Variants in WDR37 observed in about 807,000 individuals in gnomAD.
The protein encoded by WDR37 is WD repeat-containing protein 37.
Under a neutral mutation model 62.9 loss-of-function variants are expected in WDR37, and 19 were observed. The observed-to-expected ratio is 0.30, with a 90% CI of 0.21 to 0.44. The LOEUF (loss-of-function observed/expected upper bound fraction) is 0.44. Among genes scored for constraint, WDR37 ranks in the 20% least tolerant of loss-of-function variants. The pLI, the probability that WDR37 is intolerant of heterozygous loss-of-function variation, is 1.00. For synonymous variants in WDR37, 250 were observed against 260.9 expected (o/e 0.96, Z 0.40); for missense variants, 474 against 657.6 (o/e 0.72, Z 3.05).
rs58590082 is a variant in WDR37 at position 1,075,345 on chromosome 10, G to A, written c.139-2562G>A. Among the ~76,000 whole-genome samples, 430 of 146,650 alleles carry A rather than the reference G, an allele frequency of 2.9e-3. 1 individual carries two copies. Among genetic ancestry groups the A allele is most frequent in the African/African-American group, 0.01 (394 of 39,134 alleles). ...TGTGCACAACGAGCAGGTTTGTTAC[G>A]TAGGTATACATGTGCCAAGGTGGTT... On this transcript the variant is annotated intron_variant, in intron 2 of 13. Coordinates refer to ENST00000263150, the MANE Select transcript of WDR37 (RefSeq NM_014023.4).
chr10:1,103,519 A>G lies in WDR37; in HGVS notation c.727-83A>G, dbSNP rs35617366. The G allele has an allele frequency of 2.8e-6, 4 of 1,409,344 alleles. No homozygotes were observed. The highest frequency in any genetic ancestry group is 2.4e-5 in the East Asian group (1 of 41,980). 87.3% of individuals were successfully genotyped at this position (1,409,344 alleles called of 1,614,324 possible). On this transcript the variant is annotated intron_variant, in intron 9 of 13. Transcript: ENST00000263150. The surrounding 1 kb of genome is among the most constrained non-coding windows in gnomAD (Gnocchi z 6.3). Reference sequence around the variant, plus strand: ...ATATGTCCTCAAGAGATTAATGAGAACCATCTATTTTGTAGCTATGTCAGA... The same window carrying G: ...ATATGTCCTCAAGAGATTAATGAGAGCCATCTATTTTGTAGCTATGTCAGA...
intron 7 of WDR37, among the ~76,000 whole-genome samples, chr10:1,092,343 A>G (rs2131640858): frequency 6.6e-6 from 1 of 151,756 alleles, no homozygotes; most frequent in Middle Eastern, 3.4e-3. Flanking sequence ...AATACAAAAG[A>G]CCGTGTCTCT....
At chr10:1,081,307 A>G (rs1023912444) in intron 5 of WDR37, among the ~76,000 whole-genome samples, 1 of 152,190 alleles carries the variant, frequency 6.6e-6, no homozygotes, top group African/African-American at 2.4e-5. Flanking sequence ...ATTACTATCA[A>G]GTGATATTTT....
chr10:1,122,418 T>A (rs1161669197), intron 11 of WDR37, among the ~76,000 whole-genome samples: 16 of 152,168 alleles, frequency 1.1e-4, no homozygotes, highest in African/African-American at 3.9e-4. Flanking sequence ...CCTGTGTCTC[T>A]CTGAGAAGGC....
intron 9 of WDR37, among the ~76,000 whole-genome samples, chr10:1,102,446 C>T (rs1417687494): frequency 2.0e-5 from 3 of 152,216 alleles, no homozygotes; most frequent in Non-Finnish European, 4.4e-5. Flanking sequence ...GTTTAATTGG[C>T]TGATTCTGCA....
chr10:1,070,954 T>C (rs1833709148), intron 1 of WDR37, among the ~76,000 whole-genome samples: 2 of 152,180 alleles, frequency 1.3e-5, no homozygotes, highest in South Asian at 4.1e-4. Flanking sequence ...CACCTGGTAA[T>C]GTCTAAGGAG....
intron 6 of WDR37, 40 bp downstream of exon 6, chr10:1,084,578 G>A: frequency 6.2e-7 from 1 of 1,600,398 alleles, no homozygotes; most frequent in Non-Finnish European, 8.6e-7. Flanking sequence ...CGGAAGCATG[G>A]CTGTGCTTAA....
rs941221460 is a variant in WDR37 at position 1,130,738 on chromosome 10, G to T, written c.*1394G>T. 2 of 152,222 alleles carry T rather than the reference G, an allele frequency of 1.3e-5. No homozygotes were observed. Among genetic ancestry groups the T allele is most frequent in the Non-Finnish European group, 2.9e-5 (2 of 68,070 alleles). 9.4% of individuals were successfully genotyped at this position (152,222 alleles called of 1,614,324 possible). A position where few individuals can be genotyped will look rare whatever the true frequency, so the allele number is the denominator to read the frequency against. On this transcript the variant is annotated 3_prime_UTR_variant, in exon 14 of 14. Coordinates refer to ENST00000263150, the MANE Select transcript of WDR37 (RefSeq NM_014023.4). The stretch of plus-strand genomic sequence containing the variant: ...GTGTTTTGCCCTGTTTTACGGTGAG[G>T]TAGGAGGGAACCCATCTGGGGACCG...
At chr10:1,069,395 T>A (rs200088845) in intron 1 of WDR37, among the ~76,000 whole-genome samples, 35,285 of 78,934 alleles carry the variant, frequency 0.45, 6,808 homozygotes, top group East Asian at 0.66. Flanking sequence ...ATATATTTTT[T>A]TTTTTTTTTT....
chr10:1,093,688 A>G lies in WDR37; in HGVS notation c.649+192A>G, dbSNP rs142664072. The stretch of plus-strand genomic sequence containing the variant: ...CAGTACTTTCTAGAGACAGTAGTGG[A>G]TAAGCAGTTGGATTTATTGTGAGAT... On this transcript the variant is annotated intron_variant, in intron 8 of 13. Coordinates refer to ENST00000263150, the MANE Select transcript of WDR37 (RefSeq NM_014023.4). Among the ~76,000 whole-genome samples the G allele has an allele frequency of 3.7e-4, 56 of 152,338 alleles. No homozygotes were observed. In the South Asian group the frequency reaches 9.3e-3, roughly 25 times the overall value.
chr10:1,126,380 T>C (rs974315584), intron 13 of WDR37, among the ~76,000 whole-genome samples: 11 of 142,728 alleles, frequency 7.7e-5, no homozygotes, highest in East Asian at 2.0e-4. Context: ...CACTCCAGCC[T>C]GGGCGACAGA....
intron 11 of WDR37, among the ~76,000 whole-genome samples, chr10:1,112,316 A>G (rs576880069): frequency 6.6e-6 from 1 of 152,320 alleles, no homozygotes; most frequent in African/African-American, 2.4e-5. Flanking sequence ...AACCTTGCCC[A>G]TAGAAGACAG....
intron 7 of WDR37, among the ~76,000 whole-genome samples, chr10:1,091,495 A>G (rs547362946): frequency 6.6e-6 from 1 of 152,210 alleles, no homozygotes; most frequent in African/African-American, 2.4e-5. Flanking sequence ...TTCTAATGGT[A>G]TAGCTACCAA....
chr10:1,120,092 ATGTGAC>A lies in WDR37; in HGVS notation c.1104-4124_1104-4119del, dbSNP rs768321688. ...GTATTGAGAAATGTGTCTTATTTGA[ATGTGAC>A]TTCTCCGTTTCTTGGTCAGTCCTCT... On this transcript the variant is annotated intron_variant, in intron 11 of 13. Transcript: ENST00000263150. 5.8e-4 allele frequency among the ~76,000 whole-genome samples: 88 copies of A among 152,364 alleles called. 1 individual carries two copies. In the Middle Eastern group the frequency reaches 0.014, roughly 24 times the overall value.
At chr10:1,071,842 G>A (rs1487728199) in intron 1 of WDR37, among the ~76,000 whole-genome samples, 1 of 152,072 alleles carries the variant, frequency 6.6e-6, no homozygotes, top group Admixed American at 6.5e-5. Flanking sequence ...ATTCCGTTGG[G>A]TTAAGGGAGA....
chr10:1,101,801 C>G (rs953876801), intron 9 of WDR37, among the ~76,000 whole-genome samples: 3 of 152,230 alleles, frequency 2.0e-5, no homozygotes, highest in Non-Finnish European at 4.4e-5. Flanking sequence ...TTCCTCACAT[C>G]CGACTCACGT....
rs973634394 is a variant in WDR37 at position 1,132,051 on chromosome 10, A to T, written c.*2707A>T. On this transcript the variant is annotated 3_prime_UTR_variant, in exon 14 of 14. Transcript: ENST00000263150. The stretch of plus-strand genomic sequence containing the variant: ...TCTTTGGAGGAAAATGTATGCATTT[A>T]TAAGTGTTCCATGGAATCAGTTTTT... The T allele has an allele frequency of 2.6e-5, 4 of 152,684 alleles. No individual in the cohort carries two copies. The highest frequency in any genetic ancestry group is 3.8e-4 in the East Asian group (2 of 5,204). The allele number at this position is 152,684 out of a possible 1,614,324, so 9.5% of individuals were successfully genotyped here. A position where few individuals can be genotyped will look rare whatever the true frequency, so the allele number is the denominator to read the frequency against.
chr10:1,070,858 A>T (rs1833706694), intron 1 of WDR37, among the ~76,000 whole-genome samples: 1 of 152,258 alleles, frequency 6.6e-6, no homozygotes, highest in Non-Finnish European at 1.5e-5. Flanking sequence ...GAATCATTCT[A>T]TAACAAAGTA....
intron 1 of WDR37, among the ~76,000 whole-genome samples, chr10:1,064,328 A>C (rs1408563438): frequency 6.6e-6 from 1 of 152,128 alleles, no homozygotes; most frequent in Non-Finnish European, 1.5e-5. Context: ...AGAAGATGCA[A>C]CATCTGTCAT....
Sources: allele counts gnomAD v4.1 joint callset (sites outside exome capture counted in the v4.1 genomes callset), GRCh38; gene constraint gnomAD v4.1.1; non-coding constraint Gnocchi (gnomAD v3.1); transcripts MANE v1.5; gene names NCBI Gene and HGNC (gene_info 2026-07-23, HGNC 2026-07-21).